Variants in RPF1 observed in about 807,000 individuals in gnomAD.
RPF1 encodes the protein ribosome production factor 1.
Under a neutral mutation model 41.9 loss-of-function variants are expected in RPF1, and 34 were observed. The ratio of observed to expected loss-of-function variants is 0.81; its 90% CI spans 0.62 to 1.08. The LOEUF (loss-of-function observed/expected upper bound fraction) is 1.08. RPF1 is among the 50% of genes least tolerant of loss of function. The pLI, the probability that RPF1 is intolerant of heterozygous loss-of-function variation, is 0.00. For missense variants in RPF1, 425 were observed against 435.2 expected, an observed-to-expected ratio of 0.98 and a Z score of 0.21; for synonymous variants, 140 against 148.9, an observed-to-expected ratio of 0.94 and a Z score of 0.43.
In RPF1 at chr1:84,479,338, A is replaced by G. The variant is rs1570342339; in HGVS notation, c.57A>G (p.Lys19=). ...GCGGGAAGAAAAGTCTAAAACGGAA[A>G]GCCGCTGCCGAAGAACTTCAGGAGG... The part of the protein sequence containing the change: ...SSSGKKSLKR[K]AAAEELQEAA... Residue 19 remains lysine (K), a synonymous_variant, in exon 1 of 9, where the codon AAA becomes AAG. Transcript: ENST00000370654. 5 of 1,612,518 alleles carry G rather than the reference A, an allele frequency of 3.1e-6. No individual in the cohort carries two copies. The highest frequency in any genetic ancestry group is 4.2e-6 in the Non-Finnish European group (5 of 1,179,252).
chr1:84,497,217 A>C (rs1395418), intron 8 of RPF1, among the ~76,000 whole-genome samples: 9,178 of 150,492 alleles, frequency 0.061, 327 homozygotes, highest in Non-Finnish European at 0.077. Context: ...ACTTAGTAAC[A>C]TTTTACTTTA....
In RPF1 at chr1:84,479,550, TC is replaced by T. The variant is rs764481130; in HGVS notation, c.228+43del. ...GGGCTGCCGGGCGCTTGCGCGTTGT[TC>T]CTGACGCTTAGGGCGGTCGCGGGGC... On this transcript the variant is annotated intron_variant, in intron 1 of 8. Coordinates refer to ENST00000370654, the MANE Select transcript of RPF1 (RefSeq NM_025065.7). 5 of 1,592,998 alleles carry T rather than the reference TC, an allele frequency of 3.1e-6. No individual in the cohort carries two copies. The South Asian group carries it at 5.5e-5, about 18-fold the overall frequency.
intron 3 of RPF1, among the ~76,000 whole-genome samples, chr1:84,488,980 A>G (rs1681784584): frequency 6.6e-6 from 1 of 151,976 alleles, no homozygotes; most frequent in Admixed American, 6.6e-5. Flanking sequence ...AGTTTTTACC[A>G]AGATATCTAT....
chr1:84,485,408 C>G (rs948437198), intron 3 of RPF1, among the ~76,000 whole-genome samples: 5 of 152,122 alleles, frequency 3.3e-5, no homozygotes, highest in Non-Finnish European at 7.4e-5. Context: ...GTAAAGGTAA[C>G]TTTTATACAA....
intron 8 of RPF1, 72 bp downstream of exon 8, chr1:84,496,442 C>A: frequency 1.5e-6 from 2 of 1,344,578 alleles, no homozygotes; most frequent in Non-Finnish European, 2.1e-6. Context: ...GGAGAGAGAG[C>A]ATCAGGAATA....
At chr1:84,480,259 A>G (rs550161772) in intron 1 of RPF1, among the ~76,000 whole-genome samples, 2 of 152,272 alleles carry the variant, frequency 1.3e-5, no homozygotes, top group East Asian at 1.9e-4. Flanking sequence ...TCATTCTGGT[A>G]TGCACGTATT....
At chr1:84,484,551 A>G (rs1681706306) in intron 3 of RPF1, among the ~76,000 whole-genome samples, 1 of 152,176 alleles carries the variant, frequency 6.6e-6, no homozygotes, top group Admixed American at 6.5e-5. Flanking sequence ...TGAATAGTAT[A>G]GACCAGATAT....
intron 5 of RPF1, 146 bp downstream of exon 5, chr1:84,490,618 A>G (rs914508809): frequency 1.7e-5 from 10 of 584,470 alleles, no homozygotes; most frequent in Non-Finnish European, 2.8e-5. Context: ...AAGAGTCTAT[A>G]AACTGATTTT....
chr1:84,488,483 G>A (rs12126924), intron 3 of RPF1, among the ~76,000 whole-genome samples: 27,424 of 151,936 alleles, frequency 0.18, 2,552 homozygotes, highest in South Asian at 0.31. Flanking sequence ...TTGGGATATC[G>A]TTTTCATTTT....
At chr1:84,490,195 T>G (rs763620127) in intron 4 of RPF1, 124 bp from the exon 5 acceptor site, 18 of 637,462 alleles carry the variant, frequency 2.8e-5, no homozygotes, top group Non-Finnish European at 4.5e-5. Flanking sequence ...AGTTTCATGC[T>G]TTCCTCAATG....
intron 3 of RPF1, among the ~76,000 whole-genome samples, chr1:84,486,453 T>C (rs2101884058): frequency 6.6e-6 from 1 of 151,912 alleles, no homozygotes; most frequent in South Asian, 2.1e-4. Context: ...CCAGGTGTGG[T>C]GGCGGGCACC....
At chr1:84,497,306 G>A (rs181709102) in intron 8 of RPF1, 123 bp from the exon 9 acceptor site, 13 of 700,954 alleles carry the variant, frequency 1.9e-5, no homozygotes, top group Non-Finnish European at 2.7e-5. Context: ...GCACAAACCC[G>A]GTTTTTCAGC....
chr1:84,494,607 T>G (rs1355989800), intron 5 of RPF1, among the ~76,000 whole-genome samples: 4 of 152,236 alleles, frequency 2.6e-5, no homozygotes, highest in African/African-American at 9.6e-5. Context: ...AAGGTCAGAT[T>G]GTGCCACAAA....
At chr1:84,492,547 A>G (rs1463086471) in intron 5 of RPF1, among the ~76,000 whole-genome samples, 2 of 152,238 alleles carry the variant, frequency 1.3e-5, no homozygotes, top group African/African-American at 4.8e-5. Flanking sequence ...AATGTGGGAA[A>G]TAATACCTAT....
At chr1:84,479,616 T>C in intron 1 of RPF1, 107 bp downstream of exon 1, 1 of 1,060,822 alleles carries the variant, frequency 9.4e-7, no homozygotes. Flanking sequence ...AAGTGTTCTC[T>C]GTGGCTCCGT....
At chr1:84,489,823 T>G (rs529481889) in intron 4 of RPF1, 95 bp downstream of exon 4, 9 of 710,380 alleles carry the variant, frequency 1.3e-5, no homozygotes, top group African/African-American at 1.2e-4. Context: ...CATTAGTTAA[T>G]TGCCTTAAAG....
chr1:84,487,758 G>C (rs914641310), intron 3 of RPF1, among the ~76,000 whole-genome samples: 1 of 151,878 alleles, frequency 6.6e-6, no homozygotes, highest in African/African-American at 2.4e-5. Flanking sequence ...TTTCTGTTTG[G>C]TGTGAGAATG....
intron 2 of RPF1, among the ~76,000 whole-genome samples, chr1:84,482,092 A>G (rs963789630): frequency 2.6e-5 from 4 of 152,222 alleles, no homozygotes; most frequent in Non-Finnish European, 5.9e-5. Flanking sequence ...ATGAAAGATA[A>G]CTTCTTAAAA....
rs141507869 is a variant in RPF1 at position 84,484,106 on chromosome 1, G to C, written c.366+1111G>C. ...CTTACTAAAGGAAAATAGGATAAAG[G>C]AGATTCAGGACTACCTGGAGTAGAG... On this transcript the variant is annotated intron_variant, in intron 3 of 8. Transcript: ENST00000370654. 1.9e-3 allele frequency among the ~76,000 whole-genome samples: 289 copies of C among 152,274 alleles called. 7 individuals carry two copies. In the East Asian group the frequency reaches 0.052, roughly 28 times the overall value.
Sources: gnomAD v4.1 joint callset for allele counts (sites outside exome capture counted in the v4.1 genomes callset) on GRCh38, gnomAD v4.1.1 for gene constraint, MANE v1.5 for transcripts, NCBI Gene and HGNC (gene_info 2026-07-23, HGNC 2026-07-21) for gene names.